ARHGEF7: variants seen among roughly 807,000 people sequenced by gnomAD.
ARHGEF7 encodes PAK-interacting exchange factor beta.
Under a neutral mutation model 109.8 loss-of-function variants are expected in ARHGEF7, and 33 were observed. The ratio of observed to expected loss-of-function variants is 0.30; its 90% CI spans 0.23 to 0.40. ARHGEF7 has a LOEUF of 0.40. ARHGEF7 is among the 10% of genes least tolerant of loss of function. The probability of loss-of-function intolerance (pLI) is 1.00; values close to 1 mark genes in which losing one functional copy is unlikely to be tolerated. For missense variants in ARHGEF7, 938 were observed against 1,098.5 expected (o/e 0.85, Z 2.07); for synonymous variants, 458 against 424.6 (o/e 1.08, Z -0.97).
chr13:111,145,146 T>C lies in ARHGEF7; in HGVS notation c.166-8759T>C, dbSNP rs575810632. Among the ~76,000 whole-genome samples the C allele has an allele frequency of 2.6e-5, 4 of 152,308 alleles. No homozygotes were observed. In the East Asian group the frequency reaches 7.7e-4, roughly 29 times the overall value. On this transcript the variant is annotated intron_variant, in intron 1 of 21. Transcript: ENST00000646102. This position sits in a 1 kb window ranked among gnomAD's most constrained non-coding sequence, Gnocchi z 4.3. ...ACATATCAGGATATAAAGCTGCCCC[T>C]TTTTTAAAGGCTGTATGGTAGTGGT...
intron 1 of ARHGEF7, among the ~76,000 whole-genome samples, chr13:111,133,812 TA>T (rs2074945868): frequency 1.6e-5 from 1 of 62,566 alleles, no homozygotes; most frequent in African/African-American, 8.1e-5. Flanking sequence ...TATATATATA[TA>T]TTTATTATAC....
At chr13:111,154,230 A>G (rs2076117081) in intron 2 of ARHGEF7, among the ~76,000 whole-genome samples, 3 of 152,168 alleles carry the variant, frequency 2.0e-5, no homozygotes, top group Admixed American at 6.5e-5. Context: ...AACCCCAGAC[A>G]TTGCTCTCGT....
chr13:111,184,291 A>C (rs2079042917), intron 2 of ARHGEF7, among the ~76,000 whole-genome samples: 1 of 152,142 alleles, frequency 6.6e-6, no homozygotes, highest in African/African-American at 2.4e-5. Flanking sequence ...TTCTTTATAA[A>C]TTACCCAGCC....
Position 111,226,645 on chromosome 13 carries a change from T to G in ARHGEF7, c.671-6560T>G, listed in dbSNP as rs560166992. Among the ~76,000 whole-genome samples, 37 of 152,350 alleles carry G rather than the reference T, an allele frequency of 2.4e-4. No homozygotes were observed. In the South Asian group the frequency reaches 3.7e-3, roughly 15 times the overall value. On this transcript the variant is annotated intron_variant, in intron 5 of 21. Transcript: ENST00000646102. Reference sequence around the variant, plus strand: ...TGTTACTGCTTATTGACAGTGTACCTAATCACCCAAGAGCTTTGAGGGAGA... The same window carrying G: ...TGTTACTGCTTATTGACAGTGTACCGAATCACCCAAGAGCTTTGAGGGAGA...
chr13:111,294,398 T>C (rs1219343949), intron 19 of ARHGEF7: 1 of 985,362 alleles, frequency 1.0e-6, no homozygotes, highest in East Asian at 1.1e-4. Flanking sequence ...TTGCTGCACT[T>C]GGATTTTCCT....
intron 3 of ARHGEF7, among the ~76,000 whole-genome samples, chr13:111,208,948 A>T (rs573435198): frequency 1.3e-5 from 2 of 152,338 alleles, no homozygotes; most frequent in South Asian, 4.1e-4. Flanking sequence ...GTGTGGCCAC[A>T]TCCTAAATGT....
At chr13:111,280,782 TA>T in intron 15 of ARHGEF7, 105 bp downstream of exon 15, 4 of 1,292,436 alleles carry the variant, frequency 3.1e-6, no homozygotes, top group Non-Finnish European at 4.2e-6. Flanking sequence ...AATATTTGGA[TA>T]AAAAGTGCAA....
At chr13:111,257,993 C>T (rs760027947) in intron 8 of ARHGEF7, among the ~76,000 whole-genome samples, 1 of 152,226 alleles carries the variant, frequency 6.6e-6, no homozygotes, top group African/African-American at 2.4e-5. Flanking sequence ...AGAGTCTAGG[C>T]CACAAGGACT....
rs201969848 is a variant in ARHGEF7, at chr13:111,152,019, AT to A, written c.166-1881del. On this transcript the variant is annotated intron_variant, in intron 1 of 21. Coordinates refer to ENST00000646102, the MANE Select transcript of ARHGEF7 (RefSeq NM_001354046.2). ...AGTATTGATTTTTGGGTTACACATAATTTTTAGCCAAGTAGCTGAGTTCATA... is the reference window on the plus strand; with the variant it reads ...AGTATTGATTTTTGGGTTACACATAATTTTAGCCAAGTAGCTGAGTTCATA... Among the ~76,000 whole-genome samples, 146 of 152,270 alleles carry A rather than the reference AT, an allele frequency of 9.6e-4. 2 individuals carry two copies. In the East Asian group the frequency reaches 0.025, roughly 26 times the overall value.
intron 1 of ARHGEF7, among the ~76,000 whole-genome samples, chr13:111,135,489 G>A (rs1234233165): frequency 1.3e-5 from 2 of 152,194 alleles, no homozygotes; most frequent in African/African-American, 2.4e-5. Context: ...GCAGTGGTTT[G>A]TAGTTCTCCT....
At chr13:111,164,784 C>T (rs767711681) in intron 2 of ARHGEF7, among the ~76,000 whole-genome samples, 13 of 152,134 alleles carry the variant, frequency 8.5e-5, no homozygotes, top group Non-Finnish European at 1.6e-4. Context: ...CCCAGGCAAG[C>T]GGAATCGGGA....
intron 1 of ARHGEF7, among the ~76,000 whole-genome samples, chr13:111,128,812 A>G (rs1336157919): frequency 6.6e-6 from 1 of 152,200 alleles, no homozygotes; most frequent in African/African-American, 2.4e-5. Context: ...TTCTATTCAT[A>G]TTGATCTATA....
intron 1 of ARHGEF7, among the ~76,000 whole-genome samples, chr13:111,143,225 T>C (rs58934014): frequency 0.13 from 19,409 of 152,210 alleles, 1,385 homozygotes; most frequent in Middle Eastern, 0.15. Flanking sequence ...GCAGAGTAGA[T>C]ACAGGAGGCA....
At chr13:111,139,589 T>G (rs2153355453) in intron 1 of ARHGEF7, among the ~76,000 whole-genome samples, 1 of 148,936 alleles carries the variant, frequency 6.7e-6, no homozygotes, top group East Asian at 2.0e-4. Flanking sequence ...CACTGGCGGG[T>G]GCCTGTGTGG....
At chr13:111,256,419 C>T (rs1026526435) in intron 8 of ARHGEF7, among the ~76,000 whole-genome samples, 1 of 152,236 alleles carries the variant, frequency 6.6e-6, no homozygotes, top group Non-Finnish European at 1.5e-5. Context: ...TGTCCTGAGC[C>T]TGCTCCGGTT....
At chr13:111,151,952 T>A (rs1203794901) in intron 1 of ARHGEF7, among the ~76,000 whole-genome samples, 1 of 152,226 alleles carries the variant, frequency 6.6e-6, no homozygotes, top group Non-Finnish European at 1.5e-5. Flanking sequence ...TCCAAATTTT[T>A]CACTGTTCTG....
Position 111,280,542 on chromosome 13 carries a change from C to A in ARHGEF7, c.1590C>A (p.Ser530Arg), listed in dbSNP as rs775566779. 20 of 1,603,350 alleles carry A rather than the reference C, an allele frequency of 1.2e-5. No individual in the cohort carries two copies. The highest frequency in any genetic ancestry group is 1.6e-5 in the Non-Finnish European group (19 of 1,175,624). ...TTTTTTCCTTCTCTCCTATAGGGAG[C>A]ATGATTGAGCGGATATTAGTGTCGT... ...NHRNAFEISG[S>R]MIERILVSCN... is the part of the protein sequence containing the mutation. The change falls in exon 15 of 22, where the codon AGC becomes AGA. Residue 530 changes from serine (S) to arginine (R), a missense_variant. Around this residue, in one of 4 missense-constraint regions of ARHGEF7, gnomAD observed 585 missense variants for 723.6 expected, o/e 0.81. Transcript: ENST00000646102.
At chr13:111,183,430 A>C (rs868506384) in intron 2 of ARHGEF7, among the ~76,000 whole-genome samples, 1 of 151,854 alleles carries the variant, frequency 6.6e-6, no homozygotes, top group African/African-American at 2.4e-5. Flanking sequence ...TGTCTGGCAA[A>C]TGTTTTGATT....
intron 2 of ARHGEF7, among the ~76,000 whole-genome samples, chr13:111,178,402 C>T (rs1658842869): frequency 6.6e-6 from 1 of 152,158 alleles, no homozygotes; most frequent in South Asian, 2.1e-4. Flanking sequence ...AGATTTTTGT[C>T]AGTTTACCTT....
Sources: gnomAD v4.1 joint callset for allele counts (sites outside exome capture counted in the v4.1 genomes callset) on GRCh38, gnomAD v4.1.1 for gene constraint, gnomAD v4.1.1 regional missense constraint, Gnocchi (gnomAD v3.1) non-coding constraint, MANE v1.5 for transcripts, NCBI Gene and HGNC (gene_info 2026-07-23, HGNC 2026-07-21) for gene names.